ALPK1: variants seen among roughly 807,000 people sequenced by gnomAD.
The protein encoded by ALPK1 is alpha kinase 1, also known as alpha-protein kinase 1.
ALPK1 carries 110 observed loss-of-function variants against 120.6 expected under a neutral mutation model. The observed-to-expected ratio is 0.91, with a 90% CI of 0.78 to 1.07. The LOEUF is 1.07. ALPK1 is among the 50% of genes least tolerant of loss of function. The probability of loss-of-function intolerance (pLI) is 0.00; values close to 1 mark genes in which losing one functional copy is unlikely to be tolerated. For synonymous variants in ALPK1, 582 were observed against 560.3 expected, an observed-to-expected ratio of 1.04 and a Z score of -0.55; for missense variants, 1,498 against 1,483.9, an observed-to-expected ratio of 1.01 and a Z score of -0.16.
chr4:112,436,720 C>T (rs929104405), intron 12 of ALPK1, among the ~76,000 whole-genome samples: 6 of 152,266 alleles, frequency 3.9e-5, no homozygotes, highest in Non-Finnish European at 8.8e-5. Context: ...GAACTTTGAT[C>T]TTGGACTACT....
intron 9 of ALPK1, 141 bp from the exon 10 acceptor site, chr4:112,429,004 TACTC>T (rs1196399950): frequency 4.1e-6 from 3 of 732,292 alleles, no homozygotes; most frequent in Non-Finnish European, 4.8e-6. Flanking sequence ...TAGACCCACT[TACTC>T]TTTCTTTACA....
At chr4:112,342,900 T>C (rs1397772134) in intron 2 of ALPK1, 3 of 152,240 alleles carry the variant, frequency 2.0e-5, no homozygotes, top group South Asian at 2.1e-4. Context: ...TCTGCTCTTA[T>C]TGCTGGGGCC....
chr4:112,424,740 C>T (rs1160894190), intron 6 of ALPK1, among the ~76,000 whole-genome samples: 2 of 152,132 alleles, frequency 1.3e-5, no homozygotes, highest in African/African-American at 4.8e-5. Context: ...CATCACTAAA[C>T]TACAGTATAC....
chr4:112,431,289 G>C lies in ALPK1; in HGVS notation c.1742G>C (p.Ser581Thr). 1 of 1,614,222 alleles carries C rather than the reference G, an allele frequency of 6.2e-7. No individual in the cohort carries two copies. Among genetic ancestry groups the C allele is most frequent in the Non-Finnish European group, 8.5e-7 (1 of 1,180,048 alleles). Residue 581 changes from serine (S) to threonine (T), a missense_variant, in exon 11 of 16, where the codon AGT becomes ACT. Transcript: ENST00000650871. ...TCTCTGAGTGGCAGCCAGACTTCCA[G>C]TGCTTGGAGCAACTTATCAGGGTTT... ...NKSLSGSQTS[S>T]AWSNLSGFSS...
intron 5 of ALPK1, among the ~76,000 whole-genome samples, chr4:112,418,068 C>T (rs188269142): frequency 9.2e-5 from 14 of 152,242 alleles, no homozygotes; most frequent in South Asian, 6.2e-4. Context: ...AACTCTAAAG[C>T]GTGCAGGATA....
At chr4:112,321,460 A>T (rs969196426) in intron 2 of ALPK1, among the ~76,000 whole-genome samples, 2 of 151,934 alleles carry the variant, frequency 1.3e-5, no homozygotes, top group African/African-American at 4.8e-5. Context: ...GTGTTCTTTC[A>T]CACGTTTTCA....
chr4:112,309,853 G>A (rs1400173561), intron 1 of ALPK1, among the ~76,000 whole-genome samples: 2 of 151,970 alleles, frequency 1.3e-5, no homozygotes, highest in Admixed American at 1.3e-4. Context: ...CACTACCCCT[G>A]GGAAGACTTG....
intron 2 of ALPK1, among the ~76,000 whole-genome samples, chr4:112,319,364 G>T (rs1026958250): frequency 6.6e-6 from 1 of 152,078 alleles, no homozygotes; most frequent in Non-Finnish European, 1.5e-5. Context: ...TAATAGATAA[G>T]GCTCTTTTGC....
intron 2 of ALPK1, among the ~76,000 whole-genome samples, chr4:112,351,797 T>C (rs1187878805): frequency 6.6e-6 from 1 of 152,204 alleles, no homozygotes; most frequent in East Asian, 1.9e-4. Context: ...TCTATGTAAA[T>C]AGAATGAAAA....
intron 2 of ALPK1, among the ~76,000 whole-genome samples, chr4:112,344,789 T>C (rs1730034861): frequency 6.6e-6 from 1 of 152,206 alleles, no homozygotes; most frequent in Non-Finnish European, 1.5e-5. Flanking sequence ...TCACAAAGTT[T>C]TGTGTCTGAG....
chr4:112,328,302 G>C (rs905259237), intron 2 of ALPK1, among the ~76,000 whole-genome samples: 3 of 152,214 alleles, frequency 2.0e-5, no homozygotes, highest in Non-Finnish European at 4.4e-5. Flanking sequence ...GGCTCTGTTC[G>C]CACTGGCTGC....
At chr4:112,306,517 A>G (rs1179846827) in intron 1 of ALPK1, among the ~76,000 whole-genome samples, 6 of 151,756 alleles carry the variant, frequency 4.0e-5, no homozygotes, top group African/African-American at 1.5e-4. Flanking sequence ...TTTCTTCTAG[A>G]TTTTCTAGTT....
intron 2 of ALPK1, among the ~76,000 whole-genome samples, chr4:112,365,029 G>A (rs182452951): frequency 6.6e-5 from 10 of 152,166 alleles, no homozygotes; most frequent in Non-Finnish European, 1.5e-5. Context: ...GAAACCCTCA[G>A]CAAAATCAGT....
intron 4 of ALPK1, among the ~76,000 whole-genome samples, chr4:112,392,482 AT>A (rs1732462830): frequency 2.0e-5 from 3 of 152,296 alleles, no homozygotes; most frequent in South Asian, 4.1e-4. Flanking sequence ...TATTATTATT[AT>A]TAGGTTAGTG....
At chr4:112,426,014 T>C in intron 7 of ALPK1, 1 of 313,720 alleles carries the variant, frequency 3.2e-6, no homozygotes, top group South Asian at 4.3e-5. Context: ...GTGTTATTTC[T>C]AGCATCTGAC....
chr4:112,363,148 C>T (rs553681029), intron 2 of ALPK1, among the ~76,000 whole-genome samples: 2 of 152,250 alleles, frequency 1.3e-5, no homozygotes, highest in Non-Finnish European at 1.5e-5. Context: ...AAGATTAAAT[C>T]TCACAGGACC....
At chr4:112,338,881 G>A (rs1251396372) in intron 2 of ALPK1, among the ~76,000 whole-genome samples, 1 of 152,202 alleles carries the variant, frequency 6.6e-6, no homozygotes, top group Non-Finnish European at 1.5e-5. Flanking sequence ...CCTACCTCAT[G>A]GTCACCTCAG....
At chr4:112,433,150 A>G (rs975534717) in intron 11 of ALPK1, among the ~76,000 whole-genome samples, 3 of 152,182 alleles carry the variant, frequency 2.0e-5, no homozygotes, top group African/African-American at 7.2e-5. Flanking sequence ...TTGCCAGCCA[A>G]TTGGTTGGTC....
chr4:112,402,146 C>A (rs71604939), intron 4 of ALPK1, among the ~76,000 whole-genome samples: 21 of 152,342 alleles, frequency 1.4e-4, no homozygotes, highest in Non-Finnish European at 2.1e-4. Flanking sequence ...AGGACTTCCC[C>A]ACCTCCCTTC....
Sources: gnomAD v4.1 joint callset for allele counts (sites outside exome capture counted in the v4.1 genomes callset) on GRCh38, gnomAD v4.1.1 for gene constraint, MANE v1.5 for transcripts, NCBI Gene and HGNC (gene_info 2026-07-23, HGNC 2026-07-21) for gene names.